The following SPARC variants were observed in gnomAD, a reference collection of about 807,000 sequenced individuals.
SPARC encodes the protein basement-membrane protein 40.
In SPARC, 23 loss-of-function variants were observed where a neutral mutation model predicts 37.7. That is an observed-to-expected ratio of 0.61 (90% CI 0.44 to 0.87). SPARC has a LOEUF of 0.87. Ranked by LOEUF, SPARC falls within the 40% of genes least tolerant of loss-of-function variation. SPARC has a pLI of 0.00. For missense variants in SPARC, 312 were observed against 389.0 expected, an observed-to-expected ratio of 0.80 and a Z score of 1.66; for synonymous variants, 155 against 150.8, an observed-to-expected ratio of 1.03 and a Z score of -0.20.
In SPARC at chr5:151,669,801, G is replaced by A; in HGVS notation, c.331-17C>T. On this transcript the variant is annotated splice_polypyrimidine_tract_variant and intron_variant, in intron 5 of 9. Coordinates refer to ENST00000231061, the MANE Select transcript of SPARC (RefSeq NM_003118.4). ...GCTGCACACCTGTTGGCAAAGCACA[G>A]AGTACCCCCTCCTTCATTCCCAAAG... The A allele has an allele frequency of 6.2e-7, 1 of 1,613,984 alleles. No homozygotes were observed. The highest frequency in any genetic ancestry group is 1.1e-5 in the South Asian group (1 of 91,054).
chr5:151,684,910 C>A (rs1233736863), intron 1 of SPARC, among the ~76,000 whole-genome samples: 3 of 152,118 alleles, frequency 2.0e-5, no homozygotes, highest in Non-Finnish European at 1.5e-5. Context: ...TATCATGGCC[C>A]AAGGCTTCCC....
chr5:151,677,412 C>G (rs919254903), intron 1 of SPARC, among the ~76,000 whole-genome samples: 2 of 152,186 alleles, frequency 1.3e-5, no homozygotes, highest in East Asian at 3.9e-4. Context: ...ACCTCCCTGT[C>G]AGGCTCATCA....
chr5:151,664,338 G>T, intron 8 of SPARC, 103 bp from the exon 9 acceptor site: 1 of 1,094,204 alleles, frequency 9.1e-7, no homozygotes, highest in Non-Finnish European at 1.3e-6. Flanking sequence ...ATGGAGGAAA[G>T]GATATTTAAA....
chr5:151,677,229 G>C (rs1760877719), intron 1 of SPARC, among the ~76,000 whole-genome samples: 1 of 152,176 alleles, frequency 6.6e-6, no homozygotes, highest in African/African-American at 2.4e-5. Context: ...TCATTCTCAA[G>C]TGACTTTAGA....
In SPARC at chr5:151,664,161, A is replaced by G. The variant is rs1372502062; in HGVS notation, c.809T>C (p.Phe270Ser). ...GTCATTGTCCAGGTCACAGGTCTCG[A>G]AAAAGCGGGTGGTGCAATGCTCCAT... is the stretch of plus-strand genomic sequence containing the variant. ...IPMEHCTTRF[F>S]ETCDLDNDKY... The change falls in exon 9 of 10, where the codon TTC becomes TCC. Residue 270 changes from phenylalanine (F) to serine (S), a missense_variant. Coordinates refer to ENST00000231061, the MANE Select transcript of SPARC (RefSeq NM_003118.4). 6.2e-7 allele frequency: 1 copy of G among 1,614,188 alleles called. No individual in the cohort carries two copies. Among genetic ancestry groups the G allele is most frequent in the Non-Finnish European group, 8.5e-7 (1 of 1,180,026 alleles).
At chr5:151,673,940 C>G (rs1052587086) in intron 3 of SPARC, among the ~76,000 whole-genome samples, 4 of 150,678 alleles carry the variant, frequency 2.7e-5, no homozygotes, top group African/African-American at 9.9e-5. Context: ...CCCCTGCCAG[C>G]CACACCCAAG....
At chr5:151,668,190 T>C (rs1418042043) in intron 6 of SPARC, among the ~76,000 whole-genome samples, 1 of 151,322 alleles carries the variant, frequency 6.6e-6, no homozygotes, top group Non-Finnish European at 1.5e-5. Flanking sequence ...TCTCACTCTG[T>C]TGCCCAGGCT....
At chr5:151,670,998 A>C (rs1184727412) in intron 5 of SPARC, among the ~76,000 whole-genome samples, 1 of 152,220 alleles carries the variant, frequency 6.6e-6, no homozygotes, top group African/African-American at 2.4e-5. Flanking sequence ...GCAGGCACTC[A>C]AAAAATATTT....
chr5:151,681,513 G>A (rs185246600), intron 1 of SPARC, among the ~76,000 whole-genome samples: 2 of 152,312 alleles, frequency 1.3e-5, no homozygotes, highest in Admixed American at 6.5e-5. Context: ...TGCAGAGTCC[G>A]ATATTTCAAA....
At chr5:151,681,806 T>C (rs925213528) in intron 1 of SPARC, among the ~76,000 whole-genome samples, 1 of 151,660 alleles carries the variant, frequency 6.6e-6, no homozygotes, top group African/African-American at 2.4e-5. Context: ...GGCAGGAGAG[T>C]CACTTGAACC....
intron 7 of SPARC, among the ~76,000 whole-genome samples, chr5:151,666,806 C>T (rs900336028): frequency 3.3e-5 from 5 of 152,238 alleles, no homozygotes; most frequent in Admixed American, 3.3e-4. Context: ...AGGCAGATCA[C>T]CTGAGGCCAG....
In SPARC at chr5:151,661,948, A is replaced by G. The variant is rs1760515317; in HGVS notation, c.*1623T>C. The G allele has an allele frequency of 6.6e-6, 1 of 152,194 alleles. No individual in the cohort carries two copies. The highest frequency in any genetic ancestry group is 2.4e-5 in the African/African-American group (1 of 41,452). 9.4% of individuals were successfully genotyped at this position (152,194 alleles called of 1,614,324 possible). On this transcript the variant is annotated 3_prime_UTR_variant, in exon 10 of 10. Transcript: ENST00000231061. ...TCATGGTCTCTCCTACTCTCCCTTC[A>G]TCACACCTGTGACATCTTGCAATTT...
chr5:151,684,757 C>T (rs914202114), intron 1 of SPARC, among the ~76,000 whole-genome samples: 3 of 152,130 alleles, frequency 2.0e-5, no homozygotes, highest in Non-Finnish European at 4.4e-5. Context: ...ACACTATCTA[C>T]CCCCTAGAGG....
chr5:151,663,669 A>G, intron 9 of SPARC, 70 bp from the exon 10 acceptor site: 3 of 1,482,476 alleles, frequency 2.0e-6, no homozygotes, highest in Non-Finnish European at 2.8e-6. Flanking sequence ...CCAAGGAGTC[A>G]GTGGACTCCC....
At chr5:151,684,120 A>T (rs982113219) in intron 1 of SPARC, among the ~76,000 whole-genome samples, 1 of 152,212 alleles carries the variant, frequency 6.6e-6, no homozygotes, top group African/African-American at 2.4e-5. Flanking sequence ...TTGATTGACA[A>T]ATCTCTACAG....
chr5:151,674,490 A>C, intron 3 of SPARC, 122 bp downstream of exon 3: 1 of 827,734 alleles, frequency 1.2e-6, no homozygotes, highest in Non-Finnish European at 2.1e-6. Flanking sequence ...CATCTATGCT[A>C]TGTGTGTACA....
intron 1 of SPARC, among the ~76,000 whole-genome samples, chr5:151,684,079 C>T (rs1367634391): frequency 6.6e-6 from 1 of 152,218 alleles, no homozygotes; most frequent in Non-Finnish European, 1.5e-5. Flanking sequence ...AGGAAAGCTG[C>T]TCTCATGAAT....
Position 151,684,864 on chromosome 5 carries a change from T to G in SPARC, c.-14+2001A>C, listed in dbSNP as rs569023822. Among the ~76,000 whole-genome samples the G allele has an allele frequency of 2.0e-5, 3 of 152,282 alleles. No individual in the cohort carries two copies. In the South Asian group the frequency reaches 6.2e-4, roughly 32 times the overall value. ...GGTACCTTCAGGGCACAGCCAGAGC[T>G]AAAACCCAGGTCTTCAAACACCCTT... On this transcript the variant is annotated intron_variant, in intron 1 of 9. Coordinates refer to ENST00000231061, the MANE Select transcript of SPARC (RefSeq NM_003118.4).
intron 1 of SPARC, 134 bp from the exon 2 acceptor site, chr5:151,676,335 G>C (rs1760858329): frequency 1.6e-6 from 1 of 625,780 alleles, no homozygotes; most frequent in South Asian, 2.0e-5. Flanking sequence ...GAGGAGGTTG[G>C]TTCCATTTAA....
Sources: allele counts gnomAD v4.1 joint callset (sites outside exome capture counted in the v4.1 genomes callset), GRCh38; gene constraint gnomAD v4.1.1; transcripts MANE v1.5; gene names NCBI Gene and HGNC (gene_info 2026-07-23, HGNC 2026-07-21).